Variants in SESTD1 observed in about 807,000 individuals in gnomAD.
The protein encoded by SESTD1 is SEC14 and spectrin domain containing 1, also known as SEC14 domain and spectrin repeat-containing protein 1.
In SESTD1, 43 loss-of-function variants were observed where a neutral mutation model predicts 101.7. The ratio of observed to expected loss-of-function variants is 0.42; its 90% CI spans 0.33 to 0.55. The LOEUF (loss-of-function observed/expected upper bound fraction) is 0.55. Among genes scored for constraint, SESTD1 ranks in the 20% least tolerant of loss-of-function variants. The pLI is 0.07. For missense variants in SESTD1, 647 were observed against 815.1 expected, an observed-to-expected ratio of 0.79 and a Z score of 2.51; for synonymous variants, 283 against 286.8, an observed-to-expected ratio of 0.99 and a Z score of 0.13.
chr2:179,231,889 A>G (rs2046993809), intron 1 of SESTD1, among the ~76,000 whole-genome samples: 1 of 152,082 alleles, frequency 6.6e-6, no homozygotes, highest in African/African-American at 2.4e-5. Context: ...AGAAGCTGCA[A>G]TTCACATGAA....
chr2:179,238,936 CTTAAA>C (rs1309004629), intron 1 of SESTD1, among the ~76,000 whole-genome samples: 33 of 152,264 alleles, frequency 2.2e-4, no homozygotes, highest in South Asian at 6.2e-4. Flanking sequence ...CTGTCAGTCT[CTTAAA>C]TTAAATACAT....
chr2:179,189,217 T>A (rs1372036692), intron 2 of SESTD1, among the ~76,000 whole-genome samples: 2 of 152,062 alleles, frequency 1.3e-5, no homozygotes, highest in East Asian at 3.9e-4. Flanking sequence ...AACCAAAAAG[T>A]TAATCCTCCA....
rs964203349 is a variant in SESTD1, at chr2:179,105,518, G to A, written c.*4381C>T. On this transcript the variant is annotated 3_prime_UTR_variant, in exon 18 of 18. Coordinates refer to ENST00000428443, the MANE Select transcript of SESTD1 (RefSeq NM_178123.5). ...TCTGATACACTAGTGAACTGGGGGT[G>A]ACGGTGAAGGGGTGGTGGAACTAAG... is the stretch of plus-strand genomic sequence containing the variant. 1 of 152,064 alleles carries A rather than the reference G, an allele frequency of 6.6e-6. No individual in the cohort carries two copies. The highest frequency in any genetic ancestry group is 2.4e-5 in the African/African-American group (1 of 41,398). The allele number at this position is 152,064 out of a possible 1,614,324, so 9.4% of individuals were successfully genotyped here.
intron 1 of SESTD1, among the ~76,000 whole-genome samples, chr2:179,198,149 G>T (rs560917689): frequency 6.6e-6 from 1 of 151,914 alleles, no homozygotes; most frequent in African/African-American, 2.4e-5. Context: ...AGAAAGGCAG[G>T]GGTTGCAATC....
chr2:179,170,866 G>T (rs1012551840), intron 5 of SESTD1, among the ~76,000 whole-genome samples: 4 of 152,260 alleles, frequency 2.6e-5, no homozygotes, highest in African/African-American at 9.6e-5. Context: ...AACTCCCTAG[G>T]GTTCGAAGCT....
intron 9 of SESTD1, among the ~76,000 whole-genome samples, chr2:179,136,601 T>A (rs1235151054): frequency 6.6e-6 from 1 of 152,192 alleles, no homozygotes; most frequent in Non-Finnish European, 1.5e-5. Context: ...AATAATGTAA[T>A]TATTTTACTA....
intron 7 of SESTD1, 47 bp downstream of exon 7, chr2:179,149,247 GAAT>G (rs1164523329): frequency 2.3e-6 from 3 of 1,297,648 alleles, no homozygotes; most frequent in East Asian, 4.8e-5. Flanking sequence ...TCTTTTATCA[GAAT>G]AATTATAGTT....
chr2:179,168,961 A>G (rs1330209155), intron 5 of SESTD1, among the ~76,000 whole-genome samples: 1 of 152,200 alleles, frequency 6.6e-6, no homozygotes, highest in Non-Finnish European at 1.5e-5. Context: ...TACAGTAAAC[A>G]GTAAGGTAAC....
In SESTD1 at chr2:179,241,368, C is replaced by G. The variant is rs115786914; in HGVS notation, c.-26+23131G>C. Among the ~76,000 whole-genome samples, 867 of 151,906 alleles carry G rather than the reference C, an allele frequency of 5.7e-3. 6 individuals carry two copies. Among genetic ancestry groups the G allele is most frequent in the African/African-American group, 0.019 (788 of 41,448 alleles). Reference sequence around the variant, plus strand: ...CCAAACATAAAGAAGGTGAATGAAGCGGAAAGAGGAGGGACACACACAAAA... The same window carrying G: ...CCAAACATAAAGAAGGTGAATGAAGGGGAAAGAGGAGGGACACACACAAAA... On this transcript the variant is annotated intron_variant, in intron 1 of 17. Coordinates refer to ENST00000428443, the MANE Select transcript of SESTD1 (RefSeq NM_178123.5).
intron 1 of SESTD1, among the ~76,000 whole-genome samples, chr2:179,205,744 C>T (rs933474059): frequency 2.2e-5 from 3 of 134,324 alleles, no homozygotes; most frequent in Non-Finnish European, 4.8e-5. Flanking sequence ...GGTGTATAAG[C>T]CAAGATCAAA....
intron 15 of SESTD1, among the ~76,000 whole-genome samples, chr2:179,115,459 G>A (rs181849589): frequency 1.1e-3 from 169 of 152,204 alleles, no homozygotes; most frequent in African/African-American, 3.9e-3. Flanking sequence ...TTTATAATAA[G>A]TTTCATGGCC....
rs1016012460 is a variant in SESTD1, at chr2:179,264,535, G to A, written c.-62C>T. On this transcript the variant is annotated 5_prime_UTR_variant, in exon 1 of 18. Transcript: ENST00000428443. ...TGACGCTAGCGGCCGGCGGCTCCGG[G>A]GCGTTGGGGAAGACAGGGGAACGCT... is the stretch of plus-strand genomic sequence containing the variant. 7.9e-5 allele frequency: 12 copies of A among 151,088 alleles called. No individual in the cohort carries two copies. The highest frequency in any genetic ancestry group is 2.7e-4 in the African/African-American group (11 of 41,172). The allele number at this position is 151,088 out of a possible 1,614,324, so 9.4% of individuals were successfully genotyped here.
rs935202061 is a variant in SESTD1 at position 179,204,103 on chromosome 2, A to T, written c.-25-12237T>A. 2.2e-5 allele frequency among the ~76,000 whole-genome samples: 3 copies of T among 133,684 alleles called. 1 individual carries two copies. Among genetic ancestry groups the T allele is most frequent in the African/African-American group, 8.9e-5 (3 of 33,638 alleles). 87.7% of individuals were successfully genotyped at this position (133,684 alleles called of 152,430 possible). A position where few individuals can be genotyped will look rare whatever the true frequency, so the allele number is the denominator to read the frequency against. On this transcript the variant is annotated intron_variant, in intron 1 of 17. Transcript: ENST00000428443. ...TTTGATGTGAGAAATATTGTCATTG[A>T]AAAGTTTCATATATATATATACACA...
chr2:179,135,920 A>G (rs1219503926), intron 9 of SESTD1, among the ~76,000 whole-genome samples: 1 of 152,222 alleles, frequency 6.6e-6, no homozygotes, highest in South Asian at 2.1e-4. Flanking sequence ...GATGCTCTTT[A>G]GAGTGCAATG....
chr2:179,145,190 A>G (rs1222579221), intron 8 of SESTD1, among the ~76,000 whole-genome samples: 1 of 152,104 alleles, frequency 6.6e-6, no homozygotes, highest in East Asian at 1.9e-4. Flanking sequence ...ATCAGAATAC[A>G]TTTATTTTTT....
At chr2:179,163,066 A>G (rs1012306899) in intron 5 of SESTD1, among the ~76,000 whole-genome samples, 4 of 152,158 alleles carry the variant, frequency 2.6e-5, no homozygotes, top group Middle Eastern at 3.2e-3. Flanking sequence ...GTGGAATAAG[A>G]GACAACCTCA....
chr2:179,197,905 C>T (rs961449805), intron 1 of SESTD1, among the ~76,000 whole-genome samples: 39 of 151,324 alleles, frequency 2.6e-4, no homozygotes, highest in Admixed American at 2.2e-3. Context: ...CATCAACTAA[C>T]GAGCAAAATA....
intron 16 of SESTD1, 139 bp from the exon 17 acceptor site, chr2:179,112,984 T>A: frequency 2.6e-6 from 3 of 1,147,978 alleles, no homozygotes; most frequent in Non-Finnish European, 3.6e-6. Context: ...TTTGGTAGAT[T>A]AAAGGCATTT....
chr2:179,233,497 A>G (rs2047015677), intron 1 of SESTD1, among the ~76,000 whole-genome samples: 1 of 152,094 alleles, frequency 6.6e-6, no homozygotes, highest in South Asian at 2.1e-4. Context: ...TCTGTCACCC[A>G]GGCTGGAGTG....
Sources: gnomAD v4.1 joint callset for allele counts (sites outside exome capture counted in the v4.1 genomes callset) on GRCh38, gnomAD v4.1.1 for gene constraint, MANE v1.5 for transcripts, NCBI Gene and HGNC (gene_info 2026-07-23, HGNC 2026-07-21) for gene names.